The following NBEA variants were observed in gnomAD, a reference collection of about 807,000 sequenced individuals.
NBEA encodes the protein neurobeachin, also known as lysosomal-trafficking regulator 2.
In NBEA, 44 loss-of-function variants were observed where a neutral mutation model predicts 343.4. The ratio of observed to expected loss-of-function variants is 0.13; its 90% CI spans 0.10 to 0.16. NBEA has a LOEUF of 0.16. Among genes scored for constraint, NBEA ranks in the 10% least tolerant of loss-of-function variants. NBEA has a pLI of 1.00. For synonymous variants in NBEA, 1,175 were observed against 1,238.7 expected (o/e 0.95, Z 1.08); for missense variants, 2,555 against 3,631.3 (o/e 0.70, Z 7.62).
At position 35,347,052 on chromosome 13, in the gene NBEA, T is replaced by C. The variant is rs544000521; in HGVS notation, c.5904-2056T>C. On this transcript the variant is annotated intron_variant, in intron 36 of 58. Transcript: ENST00000379939. ...TTAGAAAGAACAAATAAATCCAGTA[T>C]AGTCACACTCACCTCAAAGACATAT... Among the ~76,000 whole-genome samples the C allele has an allele frequency of 2.8e-3, 431 of 152,206 alleles. 2 individuals carry two copies. Among genetic ancestry groups the C allele is most frequent in the African/African-American group, 8.9e-3 (369 of 41,536 alleles).
chr13:35,419,202 A>G (rs1317450111), intron 38 of NBEA, among the ~76,000 whole-genome samples: 1 of 152,082 alleles, frequency 6.6e-6, no homozygotes, highest in African/African-American at 2.4e-5. Flanking sequence ...TAGGTAGCTT[A>G]TGAACAACAG....
chr13:35,332,495 G>A (rs1375733277), intron 36 of NBEA, among the ~76,000 whole-genome samples: 3 of 152,028 alleles, frequency 2.0e-5, no homozygotes, highest in African/African-American at 7.2e-5. Flanking sequence ...TGTAAGTTGT[G>A]GGTAGCCACT....
At chr13:35,133,179 C>A (rs565155560) in intron 17 of NBEA, among the ~76,000 whole-genome samples, 6 of 151,976 alleles carry the variant, frequency 3.9e-5, no homozygotes, top group Non-Finnish European at 7.4e-5. Context: ...AAAAGAAAAT[C>A]TGTTAGGATC....
intron 10 of NBEA, among the ~76,000 whole-genome samples, chr13:35,076,680 A>G (rs2152589985): frequency 6.6e-6 from 1 of 152,176 alleles, no homozygotes; most frequent in African/African-American, 2.4e-5. Flanking sequence ...AAGATTAACT[A>G]CAAATTATTC....
At chr13:35,343,261 T>G (rs1013682186) in intron 36 of NBEA, among the ~76,000 whole-genome samples, 1 of 152,036 alleles carries the variant, frequency 6.6e-6, no homozygotes, top group African/African-American at 2.4e-5. Flanking sequence ...CAAAAATTGA[T>G]GAAACATCAG....
chr13:35,416,187 C>T (rs933898956), intron 38 of NBEA, among the ~76,000 whole-genome samples: 3 of 152,100 alleles, frequency 2.0e-5, no homozygotes, highest in African/African-American at 7.2e-5. Flanking sequence ...CAAACAGGGA[C>T]AATTTGACTT....
chr13:35,523,950 G>T (rs540085045), intron 41 of NBEA, among the ~76,000 whole-genome samples: 1 of 150,926 alleles, frequency 6.6e-6, no homozygotes, highest in East Asian at 1.9e-4. Flanking sequence ...CTTTATAGTT[G>T]TAAGCATTTA....
At chr13:35,046,269 A>T (rs1405911783) in intron 4 of NBEA, among the ~76,000 whole-genome samples, 1 of 152,152 alleles carries the variant, frequency 6.6e-6, no homozygotes, top group African/African-American at 2.4e-5. Context: ...TTCTATGGAC[A>T]TATGTTTTCT....
intron 36 of NBEA, among the ~76,000 whole-genome samples, chr13:35,328,966 G>A (rs377409731): frequency 2.0e-5 from 3 of 151,878 alleles, no homozygotes; most frequent in African/African-American, 4.8e-5. Context: ...ACAGATCAAC[G>A]GAAGGAAATA....
At chr13:35,477,371 T>C (rs1444614428) in intron 41 of NBEA, among the ~76,000 whole-genome samples, 1 of 152,208 alleles carries the variant, frequency 6.6e-6, no homozygotes, top group African/African-American at 2.4e-5. Flanking sequence ...TAAGTTAGGA[T>C]ATTTAAAAAA....
At chr13:35,155,741 T>G (rs1475838733) in intron 18 of NBEA, 33 bp from the exon 19 acceptor site, 1 of 1,511,160 alleles carries the variant, frequency 6.6e-7, no homozygotes, top group South Asian at 1.1e-5. Context: ...TTAAATTGTT[T>G]TCTAAATGAA....
At chr13:35,337,543 A>G (rs1356251841) in intron 36 of NBEA, among the ~76,000 whole-genome samples, 1 of 152,102 alleles carries the variant, frequency 6.6e-6, no homozygotes, top group Non-Finnish European at 1.5e-5. Context: ...AAATAATTCA[A>G]ATATGTTACT....
At chr13:35,027,341 T>C (rs2062049629) in intron 1 of NBEA, among the ~76,000 whole-genome samples, 1 of 152,092 alleles carries the variant, frequency 6.6e-6, no homozygotes, top group Non-Finnish European at 1.5e-5. Flanking sequence ...TCAGAGTGAT[T>C]GTACCATTTT....
chr13:35,463,080 T>G (rs1315889360), intron 40 of NBEA, among the ~76,000 whole-genome samples: 1 of 151,890 alleles, frequency 6.6e-6, no homozygotes, highest in East Asian at 1.9e-4. Flanking sequence ...AAGAGAGAAG[T>G]AGTAGGCCAA....
Position 35,095,483 on chromosome 13 carries a change from T to A in NBEA, c.1572-2814T>A, listed in dbSNP as rs188309565. 2.2e-3 allele frequency among the ~76,000 whole-genome samples: 331 copies of A among 151,836 alleles called. 2 individuals are homozygous for A. Among genetic ancestry groups the A allele is most frequent in the Middle Eastern group, 6.8e-3 (2 of 294 alleles). ...TAAGAGATATTATTATACTATTTCT[T>A]TCATTTTTTTCCCATGGTCTAGCCC... On this transcript the variant is annotated intron_variant, in intron 10 of 58. Coordinates refer to ENST00000379939, the MANE Select transcript of NBEA (RefSeq NM_001385012.1).
intron 38 of NBEA, among the ~76,000 whole-genome samples, chr13:35,379,850 T>G (rs972014591): frequency 2.1e-4 from 32 of 152,206 alleles, no homozygotes; most frequent in African/African-American, 7.5e-4. Flanking sequence ...TAGACCAATC[T>G]CACACTGTCT....
At chr13:35,558,215 A>G (rs2079672773) in intron 44 of NBEA, among the ~76,000 whole-genome samples, 3 of 152,296 alleles carry the variant, frequency 2.0e-5, no homozygotes, top group African/African-American at 7.2e-5. Context: ...AGATCGTAAT[A>G]TAGTGAGGAA....
intron 36 of NBEA, among the ~76,000 whole-genome samples, chr13:35,311,524 G>C (rs2037364345): frequency 6.6e-6 from 1 of 152,014 alleles, no homozygotes; most frequent in Non-Finnish European, 1.5e-5. Context: ...ATTAGGAAAG[G>C]TTAGAAATAA....
intron 38 of NBEA, among the ~76,000 whole-genome samples, chr13:35,419,999 T>TC (rs1244541020): frequency 6.6e-6 from 1 of 152,098 alleles, no homozygotes; most frequent in African/African-American, 2.4e-5. Flanking sequence ...CTTAACTCAG[T>TC]CCTTAGTTCT....
Sources: allele counts gnomAD v4.1 joint callset (sites outside exome capture counted in the v4.1 genomes callset), GRCh38; gene constraint gnomAD v4.1.1; transcripts MANE v1.5; gene names NCBI Gene and HGNC (gene_info 2026-07-23, HGNC 2026-07-21).